The following GNAQ variants were observed in gnomAD, a reference collection of about 807,000 sequenced individuals.
GNAQ encodes G protein subunit alpha q, also known as guanine nucleotide-binding protein G(q) subunit alpha.
GNAQ carries 8 observed loss-of-function variants against 43.9 expected under a neutral mutation model. The ratio of observed to expected loss-of-function variants is 0.18; its 90% CI spans 0.11 to 0.33. GNAQ has a LOEUF of 0.33. Among genes scored for constraint, GNAQ ranks in the 10% least tolerant of loss-of-function variants. GNAQ has a pLI of 1.00. For synonymous variants in GNAQ, 155 were observed against 170.7 expected, an observed-to-expected ratio of 0.91 and a Z score of 0.71; for missense variants, 158 against 450.8, an observed-to-expected ratio of 0.35 and a Z score of 5.88.
rs1248595261 is a variant in GNAQ at position 77,721,010 on chromosome 9, A to G, written c.*313T>C. 1 of 273,170 alleles carries G rather than the reference A, an allele frequency of 3.7e-6. No individual in the cohort carries two copies. Among genetic ancestry groups the G allele is most frequent in the African/African-American group, 2.2e-5 (1 of 46,482 alleles). 16.9% of individuals were successfully genotyped at this position (273,170 alleles called of 1,614,324 possible). ...CCATAGAAAAGAAAAAGAGAGAGAG[A>G]CAGAAAGAAACAAGTCTTATCTTTG... On this transcript the variant is annotated 3_prime_UTR_variant, in exon 7 of 7. Coordinates refer to ENST00000286548, the MANE Select transcript of GNAQ (RefSeq NM_002072.5).
At chr9:77,725,599 A>G (rs1448824553) in intron 6 of GNAQ, among the ~76,000 whole-genome samples, 2 of 151,490 alleles carry the variant, frequency 1.3e-5, no homozygotes, top group Admixed American at 1.3e-4. Context: ...AAAAAAAAAA[A>G]AAAAAAGTCT....
At chr9:78,018,091 G>A (rs571372237) in intron 1 of GNAQ, among the ~76,000 whole-genome samples, 8 of 151,758 alleles carry the variant, frequency 5.3e-5, no homozygotes, top group African/African-American at 1.9e-4. Flanking sequence ...AATTATGTGT[G>A]TGCATGTTTT....
intron 3 of GNAQ, among the ~76,000 whole-genome samples, chr9:77,811,440 A>G (rs546520902): frequency 6.6e-6 from 1 of 152,290 alleles, no homozygotes; most frequent in Admixed American, 6.5e-5. Context: ...AGAAAGGAAA[A>G]GGGCTAACAA....
At chr9:77,927,196 A>G (rs930085854) in intron 1 of GNAQ, among the ~76,000 whole-genome samples, 1 of 152,226 alleles carries the variant, frequency 6.6e-6, no homozygotes, top group Non-Finnish European at 1.5e-5. Context: ...TCTGATTCAC[A>G]TAAGCCATAT....
intron 1 of GNAQ, among the ~76,000 whole-genome samples, chr9:77,990,704 G>A (rs1371159111): frequency 1.3e-5 from 2 of 152,320 alleles, no homozygotes; most frequent in Admixed American, 6.5e-5. Flanking sequence ...AGACAATAGC[G>A]TAAGTATAAA....
At chr9:77,837,015 T>C (rs937780445) in intron 2 of GNAQ, among the ~76,000 whole-genome samples, 12 of 152,172 alleles carry the variant, frequency 7.9e-5, no homozygotes, top group African/African-American at 2.7e-4. Context: ...TATAATCTTG[T>C]AGGAGGAACT....
At chr9:77,887,954 A>C (rs951463114) in intron 2 of GNAQ, among the ~76,000 whole-genome samples, 1 of 152,230 alleles carries the variant, frequency 6.6e-6, no homozygotes, top group African/African-American at 2.4e-5. Flanking sequence ...AGTAGTTCTC[A>C]AAGTGTAATC....
At chr9:77,952,911 T>A (rs1453329416) in intron 1 of GNAQ, among the ~76,000 whole-genome samples, 3 of 152,180 alleles carry the variant, frequency 2.0e-5, no homozygotes, top group Non-Finnish European at 4.4e-5. Context: ...AGGGAAATAT[T>A]AAGTATGTTT....
At chr9:77,929,716 T>A (rs1385035902) in intron 1 of GNAQ, among the ~76,000 whole-genome samples, 1 of 152,024 alleles carries the variant, frequency 6.6e-6, no homozygotes, top group Non-Finnish European at 1.5e-5. Context: ...GCGCCTGTAG[T>A]TCCTTCGGGA....
chr9:77,813,295 T>C (rs1826956372), intron 3 of GNAQ, among the ~76,000 whole-genome samples: 1 of 152,196 alleles, frequency 6.6e-6, no homozygotes, highest in South Asian at 2.1e-4. Flanking sequence ...GAATAATCAT[T>C]TGAAGGAGTT....
chr9:77,812,117 T>C (rs1826937748), intron 3 of GNAQ, among the ~76,000 whole-genome samples: 1 of 152,190 alleles, frequency 6.6e-6, no homozygotes, highest in Non-Finnish European at 1.5e-5. Context: ...AAATCTTCTA[T>C]GCAGAAGAAT....
At chr9:77,860,679 C>T (rs544628072) in intron 2 of GNAQ, among the ~76,000 whole-genome samples, 1 of 152,310 alleles carries the variant, frequency 6.6e-6, no homozygotes, top group South Asian at 2.1e-4. Flanking sequence ...TGCTAGTTCG[C>T]CCGCAGCTCA....
chr9:77,921,883 C>A (rs1829001602), intron 2 of GNAQ, among the ~76,000 whole-genome samples: 2 of 152,088 alleles, frequency 1.3e-5, no homozygotes, highest in Non-Finnish European at 2.9e-5. Flanking sequence ...AATTTTAAAC[C>A]TGAAAATATT....
intron 1 of GNAQ, among the ~76,000 whole-genome samples, chr9:78,015,153 TTAAGA>T (rs1403118958): frequency 6.6e-6 from 1 of 152,240 alleles, no homozygotes; most frequent in Non-Finnish European, 1.5e-5. Flanking sequence ...CTTTTCTATG[TTAAGA>T]TATGTTTGGA....
intron 2 of GNAQ, among the ~76,000 whole-genome samples, chr9:77,860,462 T>C (rs762277963): frequency 1.4e-4 from 22 of 152,014 alleles, no homozygotes; most frequent in Admixed American, 6.6e-4. Context: ...AGAGATTGAG[T>C]AGGTGAGGCG....
intron 2 of GNAQ, among the ~76,000 whole-genome samples, chr9:77,837,861 T>TC (rs1248393502): frequency 4.0e-5 from 6 of 150,406 alleles, no homozygotes; most frequent in African/African-American, 1.5e-4. Context: ...TTTTTTTTTT[T>TC]TTTTTGAGAT....
intron 1 of GNAQ, among the ~76,000 whole-genome samples, chr9:77,939,204 A>C (rs531152006): frequency 6.6e-6 from 1 of 152,256 alleles, no homozygotes. Flanking sequence ...GAAATGTTGA[A>C]TAAATACACA....
At chr9:77,889,258 A>T (rs983189228) in intron 2 of GNAQ, among the ~76,000 whole-genome samples, 2 of 151,338 alleles carry the variant, frequency 1.3e-5, no homozygotes, top group Non-Finnish European at 2.9e-5. Flanking sequence ...TAAAAAAAAA[A>T]TTAGCCGGGT....
chr9:77,863,216 A>AAGGAAGGAAGGAAGGAAGGGAGGG lies in GNAQ; in HGVS notation c.322-47447_322-47446insCCCTCCCTTCCTTCCTTCCTTCCT, dbSNP rs1281288103. 5.4e-3 allele frequency among the ~76,000 whole-genome samples: 801 copies of AAGGAAGGAAGGAAGGAAGGGAGGG among 148,958 alleles called. 10 individuals are homozygous for AAGGAAGGAAGGAAGGAAGGGAGGG. The highest frequency in any genetic ancestry group is 0.019 in the African/African-American group (760 of 39,262). ...GAAGGAAGGAAGGAAGGAAGGAAGG[A>AAGGAAGGAAGGAAGGAAGGGAGGG]AGGGAGGAAGGAAGAAAGGAAGGAA... On this transcript the variant is annotated intron_variant, in intron 2 of 6. Transcript: ENST00000286548.
Sources: gnomAD v4.1 joint callset for allele counts (sites outside exome capture counted in the v4.1 genomes callset) on GRCh38, gnomAD v4.1.1 for gene constraint, MANE v1.5 for transcripts, NCBI Gene and HGNC (gene_info 2026-07-23, HGNC 2026-07-21) for gene names.